Variants in ITPR2 observed in about 807,000 individuals in gnomAD.
ITPR2 encodes inositol 1,4,5-trisphosphate receptor type 2, also known as inositol 1,4,5-trisphosphate-gated calcium channel ITPR2.
ITPR2 carries 207 observed loss-of-function variants against 317.1 expected under a neutral mutation model. The observed-to-expected ratio is 0.65, with a 90% CI of 0.58 to 0.73. ITPR2 has a LOEUF of 0.73. Ranked by LOEUF, ITPR2 falls within the 30% of genes least tolerant of loss-of-function variation. The pLI is 0.00. For synonymous variants in ITPR2, 1,156 were observed against 1,149.1 expected, an observed-to-expected ratio of 1.01 and a Z score of -0.12; for missense variants, 2,613 against 3,284.0, an observed-to-expected ratio of 0.80 and a Z score of 4.99.
At chr12:26,461,270 T>G (rs1942012973) in intron 45 of ITPR2, among the ~76,000 whole-genome samples, 1 of 152,178 alleles carries the variant, frequency 6.6e-6, no homozygotes, top group Non-Finnish European at 1.5e-5. Flanking sequence ...GACTCAGTTT[T>G]CACAAGGATA....
intron 54 of ITPR2, among the ~76,000 whole-genome samples, chr12:26,394,146 G>A (rs939122828): frequency 1.3e-5 from 2 of 152,112 alleles, no homozygotes; most frequent in Non-Finnish European, 2.9e-5. Flanking sequence ...ACACCAAACC[G>A]TGGCATTATA....
At chr12:26,737,746 A>G (rs759085547) in intron 2 of ITPR2, among the ~76,000 whole-genome samples, 3 of 152,240 alleles carry the variant, frequency 2.0e-5, no homozygotes, top group Non-Finnish European at 4.4e-5. Flanking sequence ...GTCTTCTACT[A>G]CTAAATATCT....
chr12:26,572,827 CAAATAA>C (rs1327939940), intron 34 of ITPR2, among the ~76,000 whole-genome samples: 1 of 151,946 alleles, frequency 6.6e-6, no homozygotes, highest in Admixed American at 6.6e-5. Context: ...GTAATAGTGG[CAAATAA>C]AAGGCAATTA....
intron 15 of ITPR2, among the ~76,000 whole-genome samples, chr12:26,662,622 G>T (rs1384987785): frequency 6.6e-6 from 1 of 152,172 alleles, no homozygotes; most frequent in Non-Finnish European, 1.5e-5. Context: ...TTATACAATT[G>T]TATGTTAGAC....
intron 21 of ITPR2, among the ~76,000 whole-genome samples, chr12:26,637,697 T>G (rs944531859): frequency 6.6e-6 from 1 of 152,172 alleles, no homozygotes; most frequent in African/African-American, 2.4e-5. Flanking sequence ...GAAAAACAAC[T>G]CTTCTCCATT....
Position 26,419,033 on chromosome 12 carries a change from A to G in ITPR2, c.7110+16T>C. On this transcript the variant is annotated intron_variant, in intron 50 of 56. Transcript: ENST00000381340. Reference sequence around the variant, plus strand: ...TACTTTTTCAGCAGTGATTGTCCACATAGAGATGTACTCACCAGGAAGCTA... The same window carrying G: ...TACTTTTTCAGCAGTGATTGTCCACGTAGAGATGTACTCACCAGGAAGCTA... 1 of 1,606,004 alleles carries G rather than the reference A, an allele frequency of 6.2e-7. No individual in the cohort carries two copies. The highest frequency in any genetic ancestry group is 8.5e-7 in the Non-Finnish European group (1 of 1,175,890).
chr12:26,469,491 C>T (rs1026214237), intron 45 of ITPR2, among the ~76,000 whole-genome samples: 2 of 152,106 alleles, frequency 1.3e-5, no homozygotes, highest in African/African-American at 4.8e-5. Context: ...GTCTAAATTG[C>T]TCCCCAGAAA....
intron 39 of ITPR2, among the ~76,000 whole-genome samples, chr12:26,489,826 T>C (rs1179355221): frequency 6.6e-6 from 1 of 152,168 alleles, no homozygotes; most frequent in Non-Finnish European, 1.5e-5. Flanking sequence ...GTTAAGAATT[T>C]ATGTGCTGAG....
chr12:26,482,379 GT>G (rs1215116912), intron 42 of ITPR2, among the ~76,000 whole-genome samples: 1 of 152,180 alleles, frequency 6.6e-6, no homozygotes, highest in Non-Finnish European at 1.5e-5. Context: ...TTTGGTTTTA[GT>G]AAATTACTTT....
intron 13 of ITPR2, among the ~76,000 whole-genome samples, chr12:26,666,599 T>C (rs189459874): frequency 1.3e-5 from 2 of 152,320 alleles, no homozygotes; most frequent in African/African-American, 4.8e-5. Context: ...ACATTTCAAC[T>C]TGCCCAATGT....
chr12:26,622,443 T>TTA, intron 24 of ITPR2, 38 bp from the exon 25 acceptor site: 1 of 1,481,850 alleles, frequency 6.7e-7, no homozygotes. Flanking sequence ...GACTCCTATT[T>TTA]ATATAACATC....
rs759569072 is a variant in ITPR2 at position 26,628,035 on chromosome 12, G to A, written c.3062C>T (p.Ser1021Leu). The A allele has an allele frequency of 2.5e-6, 4 of 1,604,638 alleles. No homozygotes were observed. The highest frequency in any genetic ancestry group is 3.4e-6 in the Non-Finnish European group (4 of 1,177,264). The change falls in exon 23 of 57, where the codon TCA becomes TTA. Residue 1021 changes from serine (S) to leucine (L), a missense_variant and splice_region_variant. Transcript: ENST00000381340. Reference protein sequence around the residue: ...ASGSPDTLLPSAIVPDIDEIA... With the variant: ...ASGSPDTLLPLAIVPDIDEIA... ...TAAATACTGTCACAAAAAGATACCT[G>A]ATGGTAGTAAAGTGTCTGGAGATCC...
chr12:26,616,651 T>C (rs1210521737), intron 26 of ITPR2, among the ~76,000 whole-genome samples: 1 of 152,154 alleles, frequency 6.6e-6, no homozygotes, highest in Non-Finnish European at 1.5e-5. Flanking sequence ...ATAAGTATAA[T>C]AAAATAGCAA....
In ITPR2 at chr12:26,658,145, A is replaced by G. The variant is rs756898219; in HGVS notation, c.1887-15T>C. ...AATCCAAAAACCTGGCAAAAGAAAA[A>G]AATTAAATGGAATATGAAGACAAAG... On this transcript the variant is annotated splice_polypyrimidine_tract_variant and intron_variant, in intron 16 of 56. Transcript: ENST00000381340. 6.5e-6 allele frequency: 10 copies of G among 1,541,846 alleles called. No homozygotes were observed. In the South Asian group the frequency reaches 1.0e-4, roughly 16 times the overall value.
Position 26,578,564 on chromosome 12 carries a change from T to A in ITPR2, c.4630+149A>T, listed in dbSNP as rs1313989883. 4.8e-5 allele frequency: 28 copies of A among 583,976 alleles called. No homozygotes were observed. The East Asian group carries it at 8.0e-4, about 17-fold the overall frequency. 36.2% of individuals were successfully genotyped at this position (583,976 alleles called of 1,614,324 possible). ...CCCAAAAAGTATGCAACATTCAGAA[T>A]CATTTGCTGATGGCTGCTCTTCAGT... is the stretch of plus-strand genomic sequence containing the variant. On this transcript the variant is annotated intron_variant, in intron 34 of 56. Coordinates refer to ENST00000381340, the MANE Select transcript of ITPR2 (RefSeq NM_002223.4).
At chr12:26,441,875 T>C (rs527949260) in intron 46 of ITPR2, among the ~76,000 whole-genome samples, 2 of 152,198 alleles carry the variant, frequency 1.3e-5, no homozygotes, top group East Asian at 3.9e-4. Context: ...CAATTCAACT[T>C]CAACTTCAAA....
chr12:26,650,718 T>C (rs1023849001), intron 21 of ITPR2, among the ~76,000 whole-genome samples: 1 of 152,230 alleles, frequency 6.6e-6, no homozygotes, highest in African/African-American at 2.4e-5. Flanking sequence ...TAATTTAGTT[T>C]AGATTGAAGA....
intron 20 of ITPR2, 99 bp from the exon 21 acceptor site, chr12:26,654,225 C>T (rs543102751): frequency 1.1e-6 from 1 of 926,206 alleles, no homozygotes; most frequent in East Asian, 2.7e-5. Context: ...TCTAAATTAG[C>T]ACAGCAATTT....
chr12:26,587,178 CTGAG>C (rs1945550268), intron 32 of ITPR2, among the ~76,000 whole-genome samples: 1 of 150,312 alleles, frequency 6.7e-6, no homozygotes, highest in South Asian at 2.1e-4. Context: ...CAAATATTTA[CTGAG>C]TATCTATTAT....
Sources: gnomAD v4.1 joint callset for allele counts (sites outside exome capture counted in the v4.1 genomes callset) on GRCh38, gnomAD v4.1.1 for gene constraint, MANE v1.5 for transcripts, NCBI Gene and HGNC (gene_info 2026-07-23, HGNC 2026-07-21) for gene names.